Variants in ATP8A1 observed in about 807,000 individuals in gnomAD.
ATP8A1 encodes the protein ATPase phospholipid transporting 8A1.
A neutral mutation model predicts 177.7 loss-of-function variants in ATP8A1; 90 were observed. The observed-to-expected ratio is 0.51, with a 90% CI of 0.43 to 0.60. The LOEUF (loss-of-function observed/expected upper bound fraction) is 0.60. ATP8A1 is among the 20% of genes least tolerant of loss of function. The pLI, the probability that ATP8A1 is intolerant of heterozygous loss-of-function variation, is 0.00. For synonymous variants in ATP8A1, 493 were observed against 485.9 expected (o/e 1.01, Z -0.19); for missense variants, 1,072 against 1,392.8 (o/e 0.77, Z 3.67).
At chr4:42,435,461 A>AAAAAAAAAAAAAAAAAAAAC (rs1553871738) in intron 33 of ATP8A1, among the ~76,000 whole-genome samples, 12 of 122,382 alleles carry the variant, frequency 9.8e-5, no homozygotes, top group South Asian at 2.9e-4. Flanking sequence ...AAAAAAAAAA[A>AAAAAAAAAAAAAAAAAAAAC]AACAAACTAT....
intron 25 of ATP8A1, among the ~76,000 whole-genome samples, chr4:42,470,743 G>A (rs1395399370): frequency 1.3e-5 from 2 of 152,140 alleles, no homozygotes; most frequent in Non-Finnish European, 2.9e-5. Context: ...CTCCTGAAGT[G>A]TTTTATATAG....
At chr4:42,638,059 G>A (rs535687208) in intron 1 of ATP8A1, among the ~76,000 whole-genome samples, 70 of 152,324 alleles carry the variant, frequency 4.6e-4, no homozygotes, top group African/African-American at 1.6e-3. Flanking sequence ...ATATGGGGAA[G>A]TAACATGAAT....
At chr4:42,478,847 T>C (rs12501454) in intron 25 of ATP8A1, among the ~76,000 whole-genome samples, 26,467 of 152,202 alleles carry the variant, frequency 0.17, 2,500 homozygotes, top group South Asian at 0.24. Context: ...TTCTTGGTTC[T>C]GATGGCATGG....
chr4:42,595,018 AG>A (rs1361346145), intron 6 of ATP8A1, among the ~76,000 whole-genome samples: 1 of 152,270 alleles, frequency 6.6e-6, no homozygotes, highest in East Asian at 1.9e-4. Flanking sequence ...AACTGATAGC[AG>A]TCATTTAAGT....
chr4:42,453,981 A>T (rs139303142), intron 29 of ATP8A1, among the ~76,000 whole-genome samples: 1 of 152,374 alleles, frequency 6.6e-6, no homozygotes, highest in East Asian at 1.9e-4. Context: ...AATAAATTTA[A>T]AAATCTAGAA....
rs184222199 is a variant in ATP8A1 at position 42,509,376 on chromosome 4, G to C, written c.1948-2222C>G. Reference sequence around the variant, plus strand: ...CCATAGTAGAGCTGTTGAGGAAGAAGGGGGATGGGAATGAGTGCTAAATTG... The same window carrying C: ...CCATAGTAGAGCTGTTGAGGAAGAACGGGGATGGGAATGAGTGCTAAATTG... On this transcript the variant is annotated intron_variant, in intron 22 of 36. Transcript: ENST00000381668. 8.5e-5 allele frequency among the ~76,000 whole-genome samples: 13 copies of C among 152,344 alleles called. No individual in the cohort carries two copies. The East Asian group carries it at 2.5e-3, about 29-fold the overall frequency.
chr4:42,559,003 T>C (rs1351486489), intron 15 of ATP8A1, among the ~76,000 whole-genome samples: 1 of 152,138 alleles, frequency 6.6e-6, no homozygotes, highest in Non-Finnish European at 1.5e-5. Flanking sequence ...CAGCAAGACC[T>C]GTCTCTGCAA....
intron 1 of ATP8A1, among the ~76,000 whole-genome samples, chr4:42,651,728 C>T (rs1266539570): frequency 1.3e-5 from 2 of 152,192 alleles, no homozygotes; most frequent in African/African-American, 4.8e-5. Flanking sequence ...ATGGCTGGCA[C>T]CCCAGCAACC....
chr4:42,607,141 A>G (rs976449709), intron 5 of ATP8A1, among the ~76,000 whole-genome samples: 1 of 152,234 alleles, frequency 6.6e-6, no homozygotes, highest in African/African-American at 2.4e-5. Context: ...GGCCTGCTGC[A>G]TCTGCAGTGC....
intron 33 of ATP8A1, among the ~76,000 whole-genome samples, chr4:42,434,199 A>C: frequency 6.6e-6 from 1 of 152,074 alleles, no homozygotes. Flanking sequence ...TTTTTCATTA[A>C]GAGAAACAAA....
At position 42,581,645 on chromosome 4, in the gene ATP8A1, A is replaced by G. The variant is rs1000771627; in HGVS notation, c.810T>C (p.Thr270=). 8.1e-6 allele frequency: 13 copies of G among 1,613,952 alleles called. No individual in the cohort carries two copies. Among genetic ancestry groups the G allele is most frequent in the African/African-American group, 4.0e-5 (3 of 74,932 alleles). ...TQWVHGIVVY[T]GHDTKLMQNS... ...CCTGCATCAGCTTGGTGTCATGTCC[A>G]GTGTAGACAACTATTCCATGAACCC... is the stretch of plus-strand genomic sequence containing the variant. The change falls in exon 10 of 37, where the codon ACT becomes ACC. Residue 270 remains threonine (T), a synonymous_variant. Transcript: ENST00000381668.
At position 42,443,614 on chromosome 4, in the gene ATP8A1, T is replaced by C. The variant is rs1216781968; in HGVS notation, c.3074A>G (p.Tyr1025Cys). ...CGGAATGGCAGGCCACAGAGATGAG[T>C]AGATTCCAAAAAACACCACCCAGAG... ...IALWVVFFGI[Y>C]SSLWPAIPMA... The change falls in exon 33 of 37, where the codon TAC becomes TGC. Residue 1025 changes from tyrosine to cysteine, a missense_variant. Coordinates refer to ENST00000381668, the MANE Select transcript of ATP8A1 (RefSeq NM_006095.2). The C allele has an allele frequency of 1.3e-6, 2 of 1,557,270 alleles. No individual in the cohort carries two copies. The highest frequency in any genetic ancestry group is 1.4e-5 in the African/African-American group (1 of 73,662).
intron 10 of ATP8A1, among the ~76,000 whole-genome samples, chr4:42,580,371 C>T (rs1164545216): frequency 6.6e-6 from 1 of 152,200 alleles, no homozygotes. Context: ...CATGCTCCCG[C>T]AAACAGGCAC....
chr4:42,594,587 A>G (rs1268010247), intron 6 of ATP8A1, among the ~76,000 whole-genome samples: 1 of 152,102 alleles, frequency 6.6e-6, no homozygotes, highest in African/African-American at 2.4e-5. Flanking sequence ...TATCTTGATA[A>G]AATCAATCTA....
At chr4:42,572,807 T>TA (rs1732040287) in intron 14 of ATP8A1, among the ~76,000 whole-genome samples, 1 of 152,186 alleles carries the variant, frequency 6.6e-6, no homozygotes, top group Non-Finnish European at 1.5e-5. Context: ...ATCCACATCT[T>TA]AAAGAGTAGG....
intron 22 of ATP8A1, among the ~76,000 whole-genome samples, chr4:42,513,172 TCCTA>T (rs1301485891): frequency 6.6e-6 from 1 of 152,138 alleles, no homozygotes; most frequent in Non-Finnish European, 1.5e-5. Flanking sequence ...CATGTCCAAC[TCCTA>T]CCATTCTCCC....
chr4:42,636,221 T>C (rs984032307), intron 1 of ATP8A1, among the ~76,000 whole-genome samples: 2 of 144,378 alleles, frequency 1.4e-5, no homozygotes, highest in Non-Finnish European at 3.1e-5. Flanking sequence ...ATAATTAAGA[T>C]GTTTGTATTT....
intron 22 of ATP8A1, among the ~76,000 whole-genome samples, chr4:42,507,958 A>G (rs780203583): frequency 2.0e-5 from 3 of 152,090 alleles, no homozygotes; most frequent in Non-Finnish European, 4.4e-5. Flanking sequence ...AGAGGAAAAG[A>G]ACAACAAAGT....
At chr4:42,648,190 T>A in intron 1 of ATP8A1, among the ~76,000 whole-genome samples, 1 of 152,154 alleles carries the variant, frequency 6.6e-6, no homozygotes, top group East Asian at 1.9e-4. Context: ...GATTCAATGA[T>A]GTACTCATAA....
Sources: gnomAD v4.1 joint callset for allele counts (sites outside exome capture counted in the v4.1 genomes callset) on GRCh38, gnomAD v4.1.1 for gene constraint, MANE v1.5 for transcripts, NCBI Gene and HGNC (gene_info 2026-07-23, HGNC 2026-07-21) for gene names.